The following LRMDA variants were observed in gnomAD, a reference collection of about 807,000 sequenced individuals.
The protein encoded by LRMDA is leucine-rich melanocyte differentiation-associated protein.
LRMDA carries 18 observed loss-of-function variants against 29.8 expected under a neutral mutation model. That is an observed-to-expected ratio of 0.60 (90% CI 0.42 to 0.90). The LOEUF is 0.90. Among genes scored for constraint, LRMDA ranks in the 40% least tolerant of loss-of-function variants. The probability of loss-of-function intolerance (pLI) is 0.00; values close to 1 mark genes in which losing one functional copy is unlikely to be tolerated. For synonymous variants in LRMDA, 125 were observed against 109.4 expected, an observed-to-expected ratio of 1.14 and a Z score of -0.89; for missense variants, 273 against 273.9, an observed-to-expected ratio of 1.00 and a Z score of 0.02.
chr10:75,702,718 A>T (rs548082976), intron 2 of LRMDA, among the ~76,000 whole-genome samples: 1 of 152,352 alleles, frequency 6.6e-6, no homozygotes, highest in Admixed American at 6.5e-5. Context: ...CAAATAAAAG[A>T]TGTAAGAGTT....
intron 2 of LRMDA, among the ~76,000 whole-genome samples, chr10:76,031,089 T>C (rs898344443): frequency 1.3e-5 from 2 of 152,136 alleles, no homozygotes; most frequent in African/African-American, 4.8e-5. Flanking sequence ...CACTGTCCAA[T>C]TAGAATTGAT....
Position 76,007,215 on chromosome 10 carries a change from G to A in LRMDA, c.132-28793G>A, listed in dbSNP as rs577440550. Among the ~76,000 whole-genome samples the A allele has an allele frequency of 7.2e-5, 11 of 152,118 alleles. No homozygotes were observed. In the East Asian group the frequency reaches 7.7e-4, roughly 11 times the overall value. On this transcript the variant is annotated intron_variant, in intron 2 of 6. Coordinates refer to ENST00000611255, the MANE Select transcript of LRMDA (RefSeq NM_001305581.2). ...TAAAATAAACCTCAGGCCATTATGCGTGGTTTTTCATTCACCCGCCTCCTT... is the reference window on the plus strand; with the variant it reads ...TAAAATAAACCTCAGGCCATTATGCATGGTTTTTCATTCACCCGCCTCCTT...
At chr10:76,034,441 G>A (rs1848205026) in intron 2 of LRMDA, among the ~76,000 whole-genome samples, 1 of 152,156 alleles carries the variant, frequency 6.6e-6, no homozygotes, top group African/African-American at 2.4e-5. Context: ...CGGTGGGGCT[G>A]GCAGTGTTGG....
intron 2 of LRMDA, among the ~76,000 whole-genome samples, chr10:76,032,546 G>T (rs544474137): frequency 3.3e-5 from 5 of 152,194 alleles, no homozygotes; most frequent in South Asian, 4.1e-4. Flanking sequence ...TGTGACTTTG[G>T]AAAAGGCACT....
intron 2 of LRMDA, among the ~76,000 whole-genome samples, chr10:75,454,801 G>A (rs1337497458): frequency 6.6e-6 from 1 of 152,130 alleles, no homozygotes; most frequent in Non-Finnish European, 1.5e-5. Flanking sequence ...TTCAGGCTGG[G>A]CTTTGGCAAG....
intron 2 of LRMDA, among the ~76,000 whole-genome samples, chr10:75,798,215 T>C (rs1843688076): frequency 6.6e-6 from 1 of 152,170 alleles, no homozygotes; most frequent in South Asian, 2.1e-4. Context: ...ATATAATTCC[T>C]TTATAAAGTA....
chr10:76,485,151 T>G (rs1842769394), intron 6 of LRMDA, among the ~76,000 whole-genome samples: 1 of 151,918 alleles, frequency 6.6e-6, no homozygotes, highest in African/African-American at 2.4e-5. Context: ...ACCGACATAG[T>G]TGGATTAACA....
At chr10:75,554,387 T>G (rs1840189197) in intron 2 of LRMDA, among the ~76,000 whole-genome samples, 2 of 152,172 alleles carry the variant, frequency 1.3e-5, no homozygotes, top group Admixed American at 1.3e-4. Context: ...GAGAGGAACA[T>G]GGTGTATGAT....
In LRMDA at chr10:75,975,553, C is replaced by A. The variant is rs767652397; in HGVS notation, c.132-60455C>A. The stretch of plus-strand genomic sequence containing the variant: ...GTGGAGTGCCAGGGACTGTGTCCTT[C>A]GAGGACAGATTGGGTACCCTGTTTT... On this transcript the variant is annotated intron_variant, in intron 2 of 6. Transcript: ENST00000611255. Among the ~76,000 whole-genome samples the A allele has an allele frequency of 3.3e-5, 5 of 152,248 alleles. No homozygotes were observed. In the East Asian group the frequency reaches 9.7e-4, roughly 29 times the overall value.
At chr10:75,885,219 C>T (rs1845365130) in intron 2 of LRMDA, among the ~76,000 whole-genome samples, 1 of 152,204 alleles carries the variant, frequency 6.6e-6, no homozygotes, top group Admixed American at 6.5e-5. Flanking sequence ...CCGCCACATC[C>T]TGTTGCTCTC....
chr10:75,802,881 A>G (rs1271971072), intron 2 of LRMDA, among the ~76,000 whole-genome samples: 2 of 151,540 alleles, frequency 1.3e-5, no homozygotes. Context: ...TGATTTGTTA[A>G]TTACTGAGAA....
At chr10:75,632,860 A>G (rs1383353194) in intron 2 of LRMDA, among the ~76,000 whole-genome samples, 1 of 118,198 alleles carries the variant, frequency 8.5e-6, no homozygotes, top group Admixed American at 1.3e-4. Context: ...CGTCTGCCCC[A>G]AGATGTCTGG....
intron 2 of LRMDA, among the ~76,000 whole-genome samples, chr10:75,979,301 C>G (rs1321445374): frequency 6.6e-6 from 1 of 152,152 alleles, no homozygotes; most frequent in Non-Finnish European, 1.5e-5. Context: ...TAGGGAAACA[C>G]TGGCTTAGAG....
chr10:76,542,142 C>T (rs1843364958), intron 6 of LRMDA, among the ~76,000 whole-genome samples: 1 of 152,118 alleles, frequency 6.6e-6, no homozygotes, highest in African/African-American at 2.4e-5. Flanking sequence ...GGAGTTTGCA[C>T]ATTTTCACAT....
chr10:76,016,847 C>T (rs149532292), intron 2 of LRMDA, among the ~76,000 whole-genome samples: 1 of 152,190 alleles, frequency 6.6e-6, no homozygotes, highest in Non-Finnish European at 1.5e-5. Flanking sequence ...GTCCTCAGTT[C>T]GTAATACCTG....
rs1843062697 is a variant in LRMDA at position 75,758,821 on chromosome 10, CT to C, written c.132-277186del. Among the ~76,000 whole-genome samples the C allele has an allele frequency of 5.3e-5, 8 of 152,206 alleles. No individual in the cohort carries two copies. In the South Asian group the frequency reaches 1.7e-3, roughly 32 times the overall value. ...CGGTTGTAAAATTCTGTTTTAATTT[CT>C]GCCATTATCATAAACAGCATCCTCT... On this transcript the variant is annotated intron_variant, in intron 2 of 6. Transcript: ENST00000611255.
intron 2 of LRMDA, among the ~76,000 whole-genome samples, chr10:75,923,454 C>T (rs563386754): frequency 4.2e-4 from 64 of 152,192 alleles, no homozygotes; most frequent in Middle Eastern, 6.8e-3. Context: ...TAAAAACAGC[C>T]GGGAGAGGAA....
Position 75,994,610 on chromosome 10 carries a change from G to T in LRMDA, c.132-41398G>T, listed in dbSNP as rs545924655. ...CCACCACCCTTTGGACTAAGAGACAGAAAGAAAATCGCGCTCACCTCTGGA... is the reference window on the plus strand; with the variant it reads ...CCACCACCCTTTGGACTAAGAGACATAAAGAAAATCGCGCTCACCTCTGGA... On this transcript the variant is annotated intron_variant, in intron 2 of 6. Transcript: ENST00000611255. 6.6e-5 allele frequency among the ~76,000 whole-genome samples: 10 copies of T among 152,308 alleles called. No homozygotes were observed. In the South Asian group the frequency reaches 2.1e-3, roughly 32 times the overall value.
intron 2 of LRMDA, among the ~76,000 whole-genome samples, chr10:75,689,007 A>C (rs1004183079): frequency 6.6e-6 from 1 of 151,984 alleles, no homozygotes; most frequent in Admixed American, 6.5e-5. Context: ...TTACAGTAAC[A>C]TAACTTTTAT....
Sources: gnomAD v4.1 joint callset for allele counts (sites outside exome capture counted in the v4.1 genomes callset) on GRCh38, gnomAD v4.1.1 for gene constraint, MANE v1.5 for transcripts, NCBI Gene and HGNC (gene_info 2026-07-23, HGNC 2026-07-21) for gene names.